HSD17B12: variants seen among roughly 807,000 people sequenced by gnomAD.
HSD17B12 encodes the protein very-long-chain 3-oxoacyl-CoA reductase.
HSD17B12 carries 32 observed loss-of-function variants against 39.3 expected under a neutral mutation model. The ratio of observed to expected loss-of-function variants is 0.81; its 90% confidence interval spans 0.61 to 1.09. The LOEUF (loss-of-function observed/expected upper bound fraction) is 1.09. Ranked by LOEUF, HSD17B12 falls within the 50% of genes least tolerant of loss-of-function variation. The probability of loss-of-function intolerance (pLI) is 0.00; values close to 1 mark genes in which losing one functional copy is unlikely to be tolerated. For missense variants in HSD17B12, 342 were observed against 382.9 expected, an observed-to-expected ratio of 0.89 and a Z score of 0.89; for synonymous variants, 150 against 146.7, an observed-to-expected ratio of 1.02 and a Z score of -0.16.
chr11:43,708,567 G>T (rs1194978537), intron 1 of HSD17B12, among the ~76,000 whole-genome samples: 1 of 152,272 alleles, frequency 6.6e-6, no homozygotes, highest in African/African-American at 2.4e-5. Flanking sequence ...TTTTATCATT[G>T]CAAAAGAACT....
chr11:43,828,228 T>C (rs923428032), intron 6 of HSD17B12, among the ~76,000 whole-genome samples: 10 of 149,482 alleles, frequency 6.7e-5, no homozygotes, highest in Non-Finnish European at 1.3e-4. Context: ...CTGCAAGCTC[T>C]GCCTCCCGGG....
chr11:43,803,818 C>T (rs570351449), intron 4 of HSD17B12, among the ~76,000 whole-genome samples: 1 of 152,290 alleles, frequency 6.6e-6, no homozygotes, highest in Admixed American at 6.5e-5. Flanking sequence ...TTCTTTCAGG[C>T]AAATGCCAAG....
upstream of HSD17B12, among the ~76,000 whole-genome samples, chr11:43,679,778 T>A (rs1343787201): frequency 6.6e-6 from 1 of 152,166 alleles, no homozygotes; most frequent in Non-Finnish European, 1.5e-5. Flanking sequence ...TCCATCAGGT[T>A]ATTTGCCTTG....
chr11:43,840,868 C>A (rs189463770), intron 9 of HSD17B12, among the ~76,000 whole-genome samples: 1 of 152,220 alleles, frequency 6.6e-6, no homozygotes, highest in East Asian at 1.9e-4. Flanking sequence ...ACTCTGTTTT[C>A]AATTCTTTTG....
chr11:43,771,287 ATG>A (rs961987581), intron 3 of HSD17B12, among the ~76,000 whole-genome samples: 1 of 152,040 alleles, frequency 6.6e-6, no homozygotes, highest in African/African-American at 2.4e-5. Context: ...CGCTTTATGA[ATG>A]TATTACAATT....
At chr11:43,592,059 T>C in the HSD17B12 span, among the ~76,000 whole-genome samples, 2 of 152,156 alleles carry the variant, frequency 1.3e-5, no homozygotes, top group Non-Finnish European at 2.9e-5. Context: ...AATTTTAAAC[T>C]GAGAGCATTT....
the HSD17B12 span, among the ~76,000 whole-genome samples, chr11:43,651,210 G>A: frequency 6.6e-6 from 1 of 152,326 alleles, no homozygotes; most frequent in African/African-American, 2.4e-5. Context: ...AAGAAGAAAG[G>A]GAGAGGATAA....
At chr11:43,558,392 A>C in the HSD17B12 span, among the ~76,000 whole-genome samples, 2 of 148,348 alleles carry the variant, frequency 1.3e-5, no homozygotes, top group Admixed American at 1.4e-4. Flanking sequence ...GCCAAACCTC[A>C]TCAATGGGAA....
chr11:43,824,415 G>T (rs1178789753), intron 6 of HSD17B12, among the ~76,000 whole-genome samples: 1 of 152,198 alleles, frequency 6.6e-6, no homozygotes, highest in Non-Finnish European at 1.5e-5. Flanking sequence ...AGATTGGGTA[G>T]TTTATAAAGA....
chr11:43,759,568 T>A (rs1037181126), intron 3 of HSD17B12, among the ~76,000 whole-genome samples: 1 of 152,104 alleles, frequency 6.6e-6, no homozygotes, highest in African/African-American at 2.4e-5. Context: ...AAACTAGAAA[T>A]TTTTTTAACA....
intron 2 of HSD17B12, among the ~76,000 whole-genome samples, chr11:43,751,471 G>A (rs183121029): frequency 1.8e-4 from 28 of 152,222 alleles, no homozygotes; most frequent in African/African-American, 9.6e-5. Context: ...AGCAGGAGCC[G>A]GGGCAGTATT....
At chr11:43,822,463 C>G (rs1385291499) in intron 6 of HSD17B12, among the ~76,000 whole-genome samples, 2 of 152,146 alleles carry the variant, frequency 1.3e-5, no homozygotes, top group East Asian at 1.9e-4. Context: ...GGTATATCTC[C>G]TAATGCTATC....
At chr11:43,799,713 T>A (rs1293694157) in intron 4 of HSD17B12, among the ~76,000 whole-genome samples, 4 of 152,202 alleles carry the variant, frequency 2.6e-5, no homozygotes, top group Non-Finnish European at 5.9e-5. Context: ...TTTAAAAACA[T>A]TTTCTAACAT....
At chr11:43,635,680 T>C in the HSD17B12 span, among the ~76,000 whole-genome samples, 4 of 152,198 alleles carry the variant, frequency 2.6e-5, no homozygotes, top group African/African-American at 9.6e-5. Flanking sequence ...TATCATGGTA[T>C]AAAGTAACTG....
chr11:43,805,505 A>G (rs562342288), intron 4 of HSD17B12, among the ~76,000 whole-genome samples: 2 of 152,346 alleles, frequency 1.3e-5, no homozygotes, highest in South Asian at 4.1e-4. Flanking sequence ...CACCAAAGGT[A>G]AACTTAATGT....
At chr11:43,685,458 A>G (rs72906885) in intron 1 of HSD17B12, among the ~76,000 whole-genome samples, 54 of 152,386 alleles carry the variant, frequency 3.5e-4, no homozygotes, top group Non-Finnish European at 7.2e-4. Context: ...GAAGAATTAT[A>G]TATGAAATGT....
intron 1 of HSD17B12, among the ~76,000 whole-genome samples, chr11:43,743,646 G>A (rs1950388200): frequency 6.6e-6 from 1 of 152,162 alleles, no homozygotes; most frequent in Non-Finnish European, 1.5e-5. Flanking sequence ...CCAGAAGACT[G>A]GAAATTAGGG....
chr11:43,719,896 T>A (rs1343093304), intron 1 of HSD17B12, among the ~76,000 whole-genome samples: 1 of 152,222 alleles, frequency 6.6e-6, no homozygotes, highest in Non-Finnish European at 1.5e-5. Flanking sequence ...GTGGTACTTT[T>A]AGTACGATAG....
At chr11:43,842,183 G>T (rs1951432994) in intron 9 of HSD17B12, among the ~76,000 whole-genome samples, 1 of 152,298 alleles carries the variant, frequency 6.6e-6, no homozygotes, top group East Asian at 1.9e-4. Context: ...TGGTTGGTTA[G>T]TTCCATTTCC....
Sources: gnomAD v4.1 joint callset for allele counts (sites outside exome capture counted in the v4.1 genomes callset) on GRCh38, gnomAD v4.1.1 for gene constraint, MANE v1.5 for transcripts, NCBI Gene and HGNC (gene_info 2026-07-23, HGNC 2026-07-21) for gene names.